LCOR: variants seen among roughly 807,000 people sequenced by gnomAD.
LCOR encodes the protein ligand dependent nuclear receptor corepressor, also known as ligand-dependent corepressor.
LCOR carries 14 observed loss-of-function variants against 64.4 expected under a neutral mutation model. The ratio of observed to expected loss-of-function variants is 0.22; its 90% CI spans 0.14 to 0.34. The LOEUF (loss-of-function observed/expected upper bound fraction) is 0.34, where lower values mean the gene tolerates loss of function less well. Among genes scored for constraint, LCOR ranks in the 10% least tolerant of loss-of-function variants. LCOR has a pLI of 1.00. For missense variants in LCOR, 1,686 were observed against 1,765.3 expected, an observed-to-expected ratio of 0.96 and a Z score of 0.80; for synonymous variants, 643 against 642.5, an observed-to-expected ratio of 1.00 and a Z score of -0.01.
chr10:96,941,225 G>T (rs1422348379), intron 4 of LCOR, among the ~76,000 whole-genome samples: 3 of 139,800 alleles, frequency 2.1e-5, no homozygotes, highest in Admixed American at 1.4e-4. Flanking sequence ...GGGGCGGCTG[G>T]CCGGGCGGGG....
rs778918471 is a variant in LCOR at position 96,981,998 on chromosome 10, T to C, written c.1538T>C (p.Leu513Pro). Residue 513 changes from leucine (L) to proline (P), a missense_variant, in exon 8 of 8, where the codon CTG (leucine) becomes CCG (proline). Leu to Pro is a moderately conservative substitution (Grantham distance 98, BLOSUM62 -3). Around this residue, in one of 3 missense-constraint regions of LCOR, gnomAD observed 1,293 missense variants for 1,410.4 expected, o/e 0.92. Transcript: ENST00000421806. ...TTTTTCAATGGTGACTGTTGTGAGC[T>C]GCCAACTGTTCGTACACTGGCCAGA... ...GYFFNGDCCE[L>P]PTVRTLARNL... 6.2e-7 allele frequency: 1 copy of C among 1,614,046 alleles called. No individual in the cohort carries two copies. Among genetic ancestry groups the C allele is most frequent in the Non-Finnish European group, 8.5e-7 (1 of 1,180,038 alleles).
chr10:96,964,274 G>A (rs1847925977), intron 7 of LCOR: 2 of 147,290 alleles, frequency 1.4e-5, no homozygotes, highest in Admixed American at 1.4e-4. Flanking sequence ...TGTCAAAAGC[G>A]CTTGTTCTTT....
At chr10:96,841,944 G>C (rs1845548787) in intron 2 of LCOR, among the ~76,000 whole-genome samples, 1 of 151,800 alleles carries the variant, frequency 6.6e-6, no homozygotes, top group African/African-American at 2.4e-5. Flanking sequence ...GTCTGTGACT[G>C]TTGTTTTTGA....
chr10:96,920,507 T>C (rs916874604), intron 4 of LCOR, among the ~76,000 whole-genome samples: 3 of 90,404 alleles, frequency 3.3e-5, no homozygotes, highest in Admixed American at 2.1e-4. Flanking sequence ...TGTATATATG[T>C]ATGTATATTC....
intron 2 of LCOR, among the ~76,000 whole-genome samples, chr10:96,865,030 G>A (rs187847856): frequency 6.6e-6 from 1 of 152,172 alleles, no homozygotes; most frequent in Non-Finnish European, 1.5e-5. Flanking sequence ...TAATTTGAGA[G>A]ACGAGAGATT....
intron 4 of LCOR, among the ~76,000 whole-genome samples, chr10:96,928,084 C>G (rs1173139783): frequency 2.0e-5 from 3 of 152,148 alleles, no homozygotes; most frequent in African/African-American, 7.2e-5. Flanking sequence ...GCCAACTGAT[C>G]AAGTTGGTGG....
At chr10:96,849,470 G>A (rs1173015279) in intron 2 of LCOR, among the ~76,000 whole-genome samples, 1 of 152,098 alleles carries the variant, frequency 6.6e-6, no homozygotes, top group Non-Finnish European at 1.5e-5. Flanking sequence ...TCGGCCTCCC[G>A]AAGTGCTGTG....
chr10:96,839,827 A>G (rs1273280678), intron 2 of LCOR, among the ~76,000 whole-genome samples: 4 of 152,050 alleles, frequency 2.6e-5, no homozygotes, highest in African/African-American at 9.7e-5. Flanking sequence ...CTGGTATTAC[A>G]GGCGGGTGGC....
Position 96,982,469 on chromosome 10 carries a change from T to A in LCOR, c.2009T>A (p.Leu670His). The A allele has an allele frequency of 6.2e-7, 1 of 1,614,220 alleles. No homozygotes were observed. The highest frequency in any genetic ancestry group is 8.5e-7 in the Non-Finnish European group (1 of 1,180,032). Residue 670 changes from leucine to histidine, a missense_variant, in exon 8 of 8, where the codon CTC becomes CAC. Around this residue, in one of 3 missense-constraint regions of LCOR, gnomAD observed 1,293 missense variants for 1,410.4 expected, o/e 0.92. Transcript: ENST00000421806. ...EEMSVPQDCH[L>H]LPSTESFSGG... ...ATGAGTGTACCCCAGGACTGTCACC[T>A]CCTTCCCTCCACTGAAAGCTTTTCC...
chr10:96,980,605 G>A (rs1302066711), intron 7 of LCOR, among the ~76,000 whole-genome samples, 188 bp from the exon 8 acceptor site: 2 of 152,180 alleles, frequency 1.3e-5, no homozygotes, highest in Non-Finnish European at 2.9e-5. Flanking sequence ...CCAGCACTTT[G>A]GGAGGCTGAG....
At chr10:96,862,572 G>A (rs922697280) in intron 2 of LCOR, among the ~76,000 whole-genome samples, 19 of 152,078 alleles carry the variant, frequency 1.2e-4, no homozygotes, top group African/African-American at 4.3e-4. Context: ...AGCCACGTAG[G>A]CATGATTGGT....
At chr10:96,849,858 C>CTTTTTTTTTTTTTT in intron 2 of LCOR, among the ~76,000 whole-genome samples, 1 of 115,692 alleles carries the variant, frequency 8.6e-6, no homozygotes, top group Non-Finnish European at 1.8e-5. Context: ...GTGTCACTCA[C>CTTTTTTTTTTTTTT]TTTTTTTTTT....
intron 2 of LCOR, among the ~76,000 whole-genome samples, chr10:96,874,598 A>G (rs375714784): frequency 6.6e-6 from 1 of 151,876 alleles, no homozygotes; most frequent in Non-Finnish European, 1.5e-5. Flanking sequence ...ATAATAGACC[A>G]TGTACTCTAC....
At chr10:96,909,011 G>A (rs962812388) in intron 4 of LCOR, among the ~76,000 whole-genome samples, 8 of 152,128 alleles carry the variant, frequency 5.3e-5, no homozygotes, top group African/African-American at 1.4e-4. Flanking sequence ...CACCGCGCCC[G>A]GCCTTCTTCT....
chr10:96,992,554 C>G lies in LCOR; in HGVS notation c.*7420C>G, dbSNP rs1848209810. The G allele has an allele frequency of 2.6e-5, 4 of 152,286 alleles. No homozygotes were observed. Among genetic ancestry groups the G allele is most frequent in the African/African-American group, 9.6e-5 (4 of 41,474 alleles). The allele number at this position is 152,286 out of a possible 1,614,324, so 9.4% of individuals were successfully genotyped here. A position where few individuals can be genotyped will look rare whatever the true frequency, so the allele number is the denominator to read the frequency against. ...AGTGGGAATCCCATCATGGGTATGG[C>G]TGTGCCAGGCATGGCATCGGGTGTG... On this transcript the variant is annotated 3_prime_UTR_variant, in exon 8 of 8. Coordinates refer to ENST00000421806, the MANE Select transcript of LCOR (RefSeq NM_001346516.2).
In LCOR at chr10:96,906,548, A is replaced by C. The variant is rs762501739; in HGVS notation, c.-329-717A>C. 6.4e-4 allele frequency among the ~76,000 whole-genome samples: 97 copies of C among 152,362 alleles called. 1 individual carries two copies. Among genetic ancestry groups the C allele is most frequent in the Middle Eastern group, 3.4e-3 (1 of 294 alleles). On this transcript the variant is annotated intron_variant, in intron 2 of 7. Transcript: ENST00000421806. ...CAGTAGATCCATCAGTATTTGAGAT[A>C]ATAAGCCAGAAAAAAAGTTTTTGAT...
chr10:96,944,685 A>G (rs1258957907), intron 5 of LCOR, among the ~76,000 whole-genome samples: 1 of 151,460 alleles, frequency 6.6e-6, no homozygotes, highest in Admixed American at 6.6e-5. Flanking sequence ...TTTTTCTGAT[A>G]TAGTCTTGTT....
chr10:96,881,766 T>C (rs1188590059), intron 2 of LCOR, among the ~76,000 whole-genome samples: 1 of 152,208 alleles, frequency 6.6e-6, no homozygotes, highest in African/African-American at 2.4e-5. Context: ...CAAAGCAATG[T>C]TATTTTAATT....
In LCOR at chr10:96,897,435, G is replaced by A. The variant is rs778429322; in HGVS notation, c.-329-9830G>A. Reference sequence around the variant, plus strand: ...TCAACCTCAGATTTGCATTTAAATGGTTTCTTTCTAAGCATGATTAACCTA... The same window carrying A: ...TCAACCTCAGATTTGCATTTAAATGATTTCTTTCTAAGCATGATTAACCTA... On this transcript the variant is annotated intron_variant, in intron 2 of 7. Coordinates refer to ENST00000421806, the MANE Select transcript of LCOR (RefSeq NM_001346516.2). Among the ~76,000 whole-genome samples the A allele has an allele frequency of 3.3e-5, 5 of 152,236 alleles. 1 individual carries two copies. In the Middle Eastern group the frequency reaches 0.01, roughly 313 times the overall value.
Sources: allele counts gnomAD v4.1 joint callset (sites outside exome capture counted in the v4.1 genomes callset), GRCh38; gene constraint gnomAD v4.1.1; regional missense constraint gnomAD v4.1.1; transcripts MANE v1.5; gene names NCBI Gene and HGNC (gene_info 2026-07-23, HGNC 2026-07-21).